COPG2: variants seen among roughly 807,000 people sequenced by gnomAD.
COPG2 encodes coat protein complex I subunit gamma 2, also known as coatomer subunit gamma-2.
Under a neutral mutation model 46.3 loss-of-function variants are expected in COPG2, and 37 were observed. That is an observed-to-expected ratio of 0.80 (90% CI 0.61 to 1.05). The LOEUF (loss-of-function observed/expected upper bound fraction) is 1.05, where lower values mean the gene tolerates loss of function less well. COPG2 is among the 50% of genes least tolerant of loss of function. The probability of loss-of-function intolerance (pLI) is 0.00; values close to 1 mark genes in which losing one functional copy is unlikely to be tolerated. For synonymous variants in COPG2, 159 were observed against 129.7 expected (o/e 1.23, Z -1.53); for missense variants, 427 against 387.8 (o/e 1.10, Z -0.85).
intron 9 of COPG2, among the ~76,000 whole-genome samples, chr7:130,580,111 C>T (rs1192885783): frequency 6.6e-6 from 1 of 151,842 alleles, no homozygotes; most frequent in African/African-American, 2.4e-5. Flanking sequence ...CACTCCTCAG[C>T]AAATGTAAAA....
chr7:130,506,487 A>AG lies in COPG2; in HGVS notation c.*188_*189insC. The AG allele has an allele frequency of 1.3e-4, 22 of 171,566 alleles. No homozygotes were observed. Among genetic ancestry groups the AG allele is most frequent in the Middle Eastern group, 2.5e-3 (2 of 798 alleles). 10.6% of individuals were successfully genotyped at this position (171,566 alleles called of 1,614,324 possible). On this transcript the variant is annotated 3_prime_UTR_variant, in exon 24 of 24. Transcript: ENST00000425248. ...AAGCTGACCAAGTAGAATAAAAAGA[A>AG]AAAAAAAAAAAAACAACCCATGCGC...
At chr7:130,612,744 A>G (rs1390468053) in intron 7 of COPG2, among the ~76,000 whole-genome samples, 1 of 152,178 alleles carries the variant, frequency 6.6e-6, no homozygotes, top group Non-Finnish European at 1.5e-5. Flanking sequence ...GAAAAACGGA[A>G]AGAAAAATGT....
intron 5 of COPG2, among the ~76,000 whole-genome samples, chr7:130,631,513 T>C (rs569252732): frequency 8.6e-4 from 131 of 152,316 alleles, no homozygotes; most frequent in African/African-American, 2.8e-3. Context: ...GGAATATATG[T>C]TATGATTCTA....
At chr7:130,629,399 A>T (rs1423495736) in intron 5 of COPG2, among the ~76,000 whole-genome samples, 75 of 140,586 alleles carry the variant, frequency 5.3e-4, no homozygotes, top group Non-Finnish European at 4.4e-4. Flanking sequence ...TATTATTATC[A>T]TTTTTTTTTT....
chr7:130,513,228 G>A (rs552001837), intron 20 of COPG2, among the ~76,000 whole-genome samples: 5 of 145,698 alleles, frequency 3.4e-5, no homozygotes, highest in African/African-American at 1.3e-4. Flanking sequence ...GGAGGATGCA[G>A]TGAGCCGAGA....
chr7:130,519,370 C>T, intron 20 of COPG2, among the ~76,000 whole-genome samples: 1 of 152,246 alleles, frequency 6.6e-6, no homozygotes, highest in Non-Finnish European at 1.5e-5. Flanking sequence ...ATGCGACGGA[C>T]TTAAAATGGG....
chr7:130,546,341 C>T (rs1423415309), intron 20 of COPG2, among the ~76,000 whole-genome samples: 7 of 152,062 alleles, frequency 4.6e-5, no homozygotes, highest in African/African-American at 1.7e-4. Flanking sequence ...GGCTAGTGGA[C>T]ATATTTCAGA....
chr7:130,640,403 G>T (rs1795441413), intron 5 of COPG2, among the ~76,000 whole-genome samples: 1 of 151,324 alleles, frequency 6.6e-6, no homozygotes, highest in Middle Eastern at 3.2e-3. Context: ...TCAGGTAATT[G>T]TTTTTGTTTT....
intron 20 of COPG2, among the ~76,000 whole-genome samples, chr7:130,527,607 G>A (rs1216358453): frequency 3.3e-5 from 5 of 152,158 alleles, no homozygotes; most frequent in African/African-American, 9.7e-5. Flanking sequence ...AATAGCAAAA[G>A]AAGAAACCGA....
At chr7:130,507,979 T>C in intron 21 of COPG2, 156 bp from the exon 22 acceptor site, 2 of 593,890 alleles carry the variant, frequency 3.4e-6, no homozygotes, top group South Asian at 2.1e-5. Context: ...TTGTAGCCCT[T>C]AGCAAAGGAA....
At chr7:130,509,591 TTCCA>T (rs1799563134) in intron 20 of COPG2, 104 of 454,938 alleles carry the variant, frequency 2.3e-4, no homozygotes, top group South Asian at 1.6e-3. Context: ...TGACTTTAAA[TTCCA>T]TCCATTCATC....
intron 9 of COPG2, among the ~76,000 whole-genome samples, chr7:130,601,997 C>T (rs984131469): frequency 1.3e-5 from 2 of 152,146 alleles, no homozygotes; most frequent in Non-Finnish European, 2.9e-5. Context: ...AGTAAAATTA[C>T]GTGGATCCTC....
chr7:130,525,088 AAG>A (rs1226830053), intron 20 of COPG2, among the ~76,000 whole-genome samples: 2 of 152,084 alleles, frequency 1.3e-5, no homozygotes, highest in African/African-American at 2.4e-5. Context: ...TGAGGAGAAA[AAG>A]AGAGACGTGG....
chr7:130,545,924 T>G (rs1793435766), intron 20 of COPG2, among the ~76,000 whole-genome samples: 1 of 152,198 alleles, frequency 6.6e-6, no homozygotes, highest in Admixed American at 6.5e-5. Context: ...GTTTTGTGTA[T>G]TTTGGTATTA....
chr7:130,576,796 A>T lies in COPG2; in HGVS notation c.738-12403T>A, dbSNP rs192781249. Among the ~76,000 whole-genome samples, 305 of 152,286 alleles carry T rather than the reference A, an allele frequency of 2.0e-3. 2 individuals carry two copies. Among genetic ancestry groups the T allele is most frequent in the African/African-American group, 6.6e-3 (275 of 41,562 alleles). On this transcript the variant is annotated intron_variant, in intron 9 of 23. Transcript: ENST00000425248. ...AAATGAAATTGAAACAAACAAACAA[A>T]CAAAAAAATACCAAAGGTAAATAAA...
rs117333423 is a variant in COPG2 at position 130,667,725 on chromosome 7, C to T, written c.38-191G>A. ...CTCTGTCACTGCCATACTCGAAGAGCTGAGACTTCTCTTTCGCAGCAACCC... is the reference window on the plus strand; with the variant it reads ...CTCTGTCACTGCCATACTCGAAGAGTTGAGACTTCTCTTTCGCAGCAACCC... On this transcript the variant is annotated intron_variant, in intron 1 of 23. Transcript: ENST00000425248. 2.5e-3 allele frequency among the ~76,000 whole-genome samples: 382 copies of T among 152,338 alleles called. 4 individuals carry two copies. Among genetic ancestry groups the T allele is most frequent in the South Asian group, 6.6e-3 (32 of 4,828 alleles).
intron 6 of COPG2, among the ~76,000 whole-genome samples, chr7:130,615,807 G>A (rs1199119114): frequency 6.6e-6 from 1 of 152,142 alleles, no homozygotes; most frequent in African/African-American, 2.4e-5. Flanking sequence ...CAGTGCTGGC[G>A]CTTTCCTAGA....
At chr7:130,649,953 T>C (rs1411366822) in intron 5 of COPG2, among the ~76,000 whole-genome samples, 3 of 152,216 alleles carry the variant, frequency 2.0e-5, no homozygotes, top group African/African-American at 7.2e-5. Context: ...GTTATAAAAG[T>C]TAGAAGTCCA....
chr7:130,529,124 C>T (rs969080327), intron 20 of COPG2, among the ~76,000 whole-genome samples: 13 of 152,178 alleles, frequency 8.5e-5, no homozygotes, highest in Middle Eastern at 3.4e-3. Context: ...AAATGTAGGA[C>T]GGTTAAGGGT....
Sources: gnomAD v4.1 joint callset for allele counts (sites outside exome capture counted in the v4.1 genomes callset) on GRCh38, gnomAD v4.1.1 for gene constraint, MANE v1.5 for transcripts, NCBI Gene and HGNC (gene_info 2026-07-23, HGNC 2026-07-21) for gene names.